The following LYST variants were observed in gnomAD, a reference collection of about 807,000 sequenced individuals.
LYST encodes lysosomal-trafficking regulator.
In LYST, 192 loss-of-function variants were observed where a neutral mutation model predicts 413.6. The ratio of observed to expected loss-of-function variants is 0.46; its 90% CI spans 0.41 to 0.52. The LOEUF is 0.52. Ranked by LOEUF, LYST falls within the 20% of genes least tolerant of loss-of-function variation. The pLI is 0.00. For synonymous variants in LYST, 1,525 were observed against 1,567.3 expected, an observed-to-expected ratio of 0.97 and a Z score of 0.64; for missense variants, 3,815 against 4,499.9, an observed-to-expected ratio of 0.85 and a Z score of 4.35.
intron 8 of LYST, among the ~76,000 whole-genome samples, chr1:235,801,423 C>T (rs905723371): frequency 2.0e-5 from 3 of 151,484 alleles, no homozygotes; most frequent in South Asian, 2.1e-4. Context: ...TGACCCCCCC[C>T]TCAAATACCT....
chr1:235,856,656 TAAA>T (rs1291792134), intron 1 of LYST, among the ~76,000 whole-genome samples: 1 of 152,094 alleles, frequency 6.6e-6, no homozygotes, highest in Non-Finnish European at 1.5e-5. Context: ...GAAGAGAAAA[TAAA>T]TATATTTCAG....
intron 3 of LYST, chr1:235,829,704 A>G (rs1558310842): frequency 1.3e-5 from 2 of 152,284 alleles, no homozygotes; most frequent in Non-Finnish European, 2.9e-5. Context: ...TTTTATAATA[A>G]GAAAACAGCA....
At position 235,830,352 on chromosome 1, in the gene LYST, T is replaced by G. The variant is rs757708194; in HGVS notation, c.66A>C (p.Ala22=). The G allele has an allele frequency of 1.2e-6, 2 of 1,613,888 alleles. No homozygotes were observed. The highest frequency in any genetic ancestry group is 3.3e-5 in the Admixed American group (2 of 59,992). Residue 22 remains alanine, a synonymous_variant, in exon 3 of 53, where the codon GCA becomes GCC. Transcript: ENST00000389793. ...CCCTGGCCTCCACCCTCTGGACCAC[T>G]GCATTGCAAAGCCGGTTGACATCGG... ...FLTDVNRLCN[A]VVQRVEAREE...
intron 1 of LYST, among the ~76,000 whole-genome samples, chr1:235,835,672 C>G (rs1329059626): frequency 6.6e-6 from 1 of 152,182 alleles, no homozygotes. Context: ...CACCTGTATT[C>G]TAATTTTTAT....
At chr1:235,743,034 G>GA (rs147958303) in intron 30 of LYST, among the ~76,000 whole-genome samples, 22 of 151,786 alleles carry the variant, frequency 1.4e-4, no homozygotes, top group African/African-American at 5.3e-4. Context: ...GTATGTATGT[G>GA]AAAAAAAATA....
At chr1:235,744,874 C>T (rs1572129412) in intron 29 of LYST, among the ~76,000 whole-genome samples, 1 of 131,854 alleles carries the variant, frequency 7.6e-6, no homozygotes, top group Non-Finnish European at 1.6e-5. Context: ...GCCTTGGTGA[C>T]AGAGTGAGAA....
intron 29 of LYST, among the ~76,000 whole-genome samples, chr1:235,745,216 C>CT (rs1200560776): frequency 6.6e-6 from 1 of 151,908 alleles, no homozygotes; most frequent in Non-Finnish European, 1.5e-5. Flanking sequence ...ATAGTTACCA[C>CT]TTTTTTTTAT....
chr1:235,801,097 C>T lies in LYST; in HGVS notation c.3713G>A (p.Gly1238Glu), dbSNP rs767077644. The T allele has an allele frequency of 9.5e-6, 15 of 1,578,630 alleles. No individual in the cohort carries two copies. Among genetic ancestry groups the T allele is most frequent in the Non-Finnish European group, 1.3e-5 (15 of 1,148,764 alleles). The change falls in exon 9 of 53, where the codon GGG becomes GAG. Residue 1238 changes from glycine (G) to glutamate (E), a missense_variant and splice_region_variant. Gly to Glu is a moderately conservative substitution (Grantham distance 98). This residue lies in a region of LYST where 1,648 missense variants were observed against 1,810.3 expected (regional missense o/e 0.91). Coordinates refer to ENST00000389793, the MANE Select transcript of LYST (RefSeq NM_000081.4). ...TTCTGTTTCAGACTTTAAGTCTACCCCTGAAAAGAGAAAAGCGAAAGATTA... is the reference window on the plus strand; with the variant it reads ...TTCTGTTTCAGACTTTAAGTCTACCTCTGAAAAGAGAAAAGCGAAAGATTA... ...NPEDGETQDD[G>E]VDLKSETEGF...
At chr1:235,878,046 A>G (rs886731467) in intron 1 of LYST, among the ~76,000 whole-genome samples, 1 of 152,206 alleles carries the variant, frequency 6.6e-6, no homozygotes, top group Admixed American at 6.5e-5. Context: ...TGAATTGGAA[A>G]GGGCCTCAAA....
In LYST at chr1:235,759,295, A is replaced by T; in HGVS notation, c.6558T>A (p.Ser2186=). 6.2e-7 allele frequency: 1 copy of T among 1,614,176 alleles called. No homozygotes were observed. Among genetic ancestry groups the T allele is most frequent in the Non-Finnish European group, 8.5e-7 (1 of 1,180,006 alleles). Reference sequence around the variant, plus strand: ...GCACTCCCTTTGGGACATCACTGACAGAGACCTGGGCTGAGAGGACAGCTT... The same window carrying T: ...GCACTCCCTTTGGGACATCACTGACTGAGACCTGGGCTGAGAGGACAGCTT... The part of the protein sequence containing the change: ...EMEAVLSAQV[S]VSDVPKGVLG... Residue 2186 remains serine, a synonymous_variant, in exon 23 of 53, where the codon TCT becomes TCA. Coordinates refer to ENST00000389793, the MANE Select transcript of LYST (RefSeq NM_000081.4).
At chr1:235,708,635 A>G (rs1022572822) in intron 44 of LYST, among the ~76,000 whole-genome samples, 2 of 152,212 alleles carry the variant, frequency 1.3e-5, no homozygotes, top group Non-Finnish European at 2.9e-5. Context: ...AGTCTTGCAC[A>G]CTGAGCCTCT....
At chr1:235,677,826 T>C (rs1396865098) in intron 48 of LYST, among the ~76,000 whole-genome samples, 1 of 152,208 alleles carries the variant, frequency 6.6e-6, no homozygotes, top group Non-Finnish European at 1.5e-5. Flanking sequence ...TTTTGTCTAT[T>C]CTTGTCCAAT....
In LYST at chr1:235,709,317, G is replaced by C. The variant is rs772804757; in HGVS notation, c.9926-9C>G. On this transcript the variant is annotated splice_polypyrimidine_tract_variant and intron_variant, in intron 43 of 52. Transcript: ENST00000389793. The stretch of plus-strand genomic sequence containing the variant: ...CACACCAAAATCAAAACCTAAAAGA[G>C]AAGATTAATATTAATATTTAACTCC... 2.5e-6 allele frequency: 4 copies of C among 1,596,852 alleles called. No homozygotes were observed. The Admixed American group carries it at 6.8e-5, about 27-fold the overall frequency.
Position 235,808,925 on chromosome 1 carries a change from T to G in LYST, c.1893A>C (p.Lys631Asn). Reference sequence around the variant, plus strand: ...AAATATTACAAGCTGCTTTTTTAATTTTTGGTGATATCTCTGCTCCTCCTA... The same window carrying G: ...AAATATTACAAGCTGCTTTTTTAATGTTTGGTGATATCTCTGCTCCTCCTA... ...DQLGGAEISP[K>N]IKKAACNICT... The change falls in exon 5 of 53, where the codon AAA becomes AAC. Residue 631 changes from lysine to asparagine, a missense_variant. This residue lies in a region of LYST where 1,648 missense variants were observed against 1,810.3 expected (regional missense o/e 0.91). Transcript: ENST00000389793. 1 of 1,612,478 alleles carries G rather than the reference T, an allele frequency of 6.2e-7. No homozygotes were observed.
chr1:235,798,719 T>C (rs1339648890), intron 10 of LYST, among the ~76,000 whole-genome samples: 3 of 149,332 alleles, frequency 2.0e-5, no homozygotes, highest in African/African-American at 7.4e-5. Context: ...GTTGAAAGCA[T>C]CATGCTATGT....
At chr1:235,699,928 A>G (rs1572026337) in intron 45 of LYST, among the ~76,000 whole-genome samples, 1 of 152,206 alleles carries the variant, frequency 6.6e-6, no homozygotes, top group Admixed American at 6.5e-5. Flanking sequence ...TTAAGAAATA[A>G]CACCACACAT....
chr1:235,671,117 T>C (rs1202362257), intron 50 of LYST, among the ~76,000 whole-genome samples: 1 of 152,200 alleles, frequency 6.6e-6, no homozygotes, highest in Non-Finnish European at 1.5e-5. Context: ...TTTGTATTTT[T>C]AGTAGAGACA....
chr1:235,828,303 A>G (rs886395636), intron 3 of LYST: 1 of 243,166 alleles, frequency 4.1e-6, no homozygotes, highest in African/African-American at 2.3e-5. Flanking sequence ...GCTAAAGGGT[A>G]TGGAGTTTCT....
At position 235,793,505 on chromosome 1, in the gene LYST, T is replaced by A; in HGVS notation, c.4114A>T (p.Thr1372Ser). ...TGTAAAAATTATAGCATATTTACTG[T>A]ACAAGGAGATTTCTCCAGAAATATT... Reference protein sequence around the residue: ...LRIFLEKSPCTKILLLGILKI... With the variant: ...LRIFLEKSPCSKILLLGILKI... Residue 1372 changes from threonine (T) to serine (S), a missense_variant and splice_region_variant, in exon 11 of 53, where the codon ACA (threonine) becomes TCA (serine). This residue lies in a region of LYST where 1,648 missense variants were observed against 1,810.3 expected (regional missense o/e 0.91). Transcript: ENST00000389793. The A allele has an allele frequency of 6.9e-7, 1 of 1,450,012 alleles. No individual in the cohort carries two copies. The highest frequency in any genetic ancestry group is 9.7e-7 in the Non-Finnish European group (1 of 1,035,260). The allele number at this position is 1,450,012 out of a possible 1,614,324, so 89.8% of individuals were successfully genotyped here.
Sources: gnomAD v4.1 joint callset for allele counts (sites outside exome capture counted in the v4.1 genomes callset) on GRCh38, gnomAD v4.1.1 for gene constraint, gnomAD v4.1.1 regional missense constraint, MANE v1.5 for transcripts, NCBI Gene and HGNC (gene_info 2026-07-23, HGNC 2026-07-21) for gene names.